Variants in KANSL1 observed in about 807,000 individuals in gnomAD.
KANSL1 encodes KAT8 regulatory NSL complex subunit 1.
A neutral mutation model predicts 103.6 loss-of-function variants in KANSL1; 22 were observed. That is an observed-to-expected ratio of 0.21 (90% confidence interval 0.15 to 0.30). The LOEUF (loss-of-function observed/expected upper bound fraction) is 0.30, where lower values mean the gene tolerates loss of function less well. Ranked by LOEUF, KANSL1 falls within the 10% of genes least tolerant of loss-of-function variation. The probability of loss-of-function intolerance (pLI) is 1.00; values close to 1 mark genes in which losing one functional copy is unlikely to be tolerated. For synonymous variants in KANSL1, 600 were observed against 527.6 expected (o/e 1.14, Z -1.88); for missense variants, 1,337 against 1,399.8 (o/e 0.96, Z 0.72).
chr17:46,122,783 C>G (rs1271028180), intron 2 of KANSL1, among the ~76,000 whole-genome samples: 1 of 152,180 alleles, frequency 6.6e-6, no homozygotes, highest in African/African-American at 2.4e-5. Flanking sequence ...GATCAGTGAT[C>G]TCTGACACTG....
intron 1 of KANSL1, among the ~76,000 whole-genome samples, chr17:46,181,645 T>C (rs1281237139): frequency 8.5e-5 from 13 of 152,338 alleles, no homozygotes; most frequent in Admixed American, 5.9e-4. Flanking sequence ...TTGGCCAGGC[T>C]GGTTTCGAAC....
intron 1 of KANSL1, among the ~76,000 whole-genome samples, chr17:46,188,480 C>T (rs2047137414): frequency 6.6e-6 from 1 of 152,208 alleles, no homozygotes; most frequent in African/African-American, 2.4e-5. Flanking sequence ...AAACAGACTT[C>T]CAAGAAACAG....
rs762608550 is a variant in KANSL1, at chr17:46,050,487, TCTC to T, written c.2020+43_2020+45del. ...GCTGATTTTCTTTCACCTAGAAGTC[TCTC>T]AAGTTTCTTTCATTAGACTTTCTAG... is the stretch of plus-strand genomic sequence containing the variant. On this transcript the variant is annotated intron_variant, in intron 7 of 14. Coordinates refer to ENST00000432791, the MANE Select transcript of KANSL1 (RefSeq NM_015443.4). 8 of 1,577,226 alleles carry T rather than the reference TCTC, an allele frequency of 5.1e-6. No individual in the cohort carries two copies. The African/African-American group carries it at 1.1e-4, about 21-fold the overall frequency.
At chr17:46,103,817 G>C (rs1567678267) in intron 2 of KANSL1, among the ~76,000 whole-genome samples, 1 of 152,216 alleles carries the variant, frequency 6.6e-6, no homozygotes, top group Non-Finnish European at 1.5e-5. Flanking sequence ...TTTGAGATCA[G>C]GAGTTCAAGA....
At position 46,067,248 on chromosome 17, in the gene KANSL1, A is replaced by G. The variant is rs1237884581; in HGVS notation, c.1652+301T>C. 2.6e-5 allele frequency among the ~76,000 whole-genome samples: 4 copies of G among 152,230 alleles called. No individual in the cohort carries two copies. The East Asian group carries it at 7.7e-4, about 29-fold the overall frequency. Reference sequence around the variant, plus strand: ...GCCCTTGGAGATCTAATCTGTCCTAAGCAGAGGAGGTTAATATAAGCACTT... The same window carrying G: ...GCCCTTGGAGATCTAATCTGTCCTAGGCAGAGGAGGTTAATATAAGCACTT... On this transcript the variant is annotated intron_variant, in intron 5 of 14. Transcript: ENST00000432791.
intron 2 of KANSL1, among the ~76,000 whole-genome samples, chr17:46,114,875 T>G (rs1438619789): frequency 6.6e-6 from 1 of 152,246 alleles, no homozygotes; most frequent in Non-Finnish European, 1.5e-5. Flanking sequence ...ATGAATTATA[T>G]CACACGGATT....
chr17:46,160,440 T>C (rs117876255), intron 2 of KANSL1, among the ~76,000 whole-genome samples: 5,048 of 152,152 alleles, frequency 0.033, 147 homozygotes, highest in East Asian at 0.15. Context: ...GCTGGGACTA[T>C]AGGCGCATGC....
intron 2 of KANSL1, among the ~76,000 whole-genome samples, chr17:46,125,583 GCTC>G (rs2043517310): frequency 6.6e-6 from 1 of 152,138 alleles, no homozygotes; most frequent in Non-Finnish European, 1.5e-5. Flanking sequence ...GGGGTGTATG[GCTC>G]CTATCTCCAG....
intron 2 of KANSL1, among the ~76,000 whole-genome samples, chr17:46,162,235 A>G (rs2045780304): frequency 6.6e-6 from 1 of 152,254 alleles, no homozygotes; most frequent in Non-Finnish European, 1.5e-5. Context: ...GCATGACCTT[A>G]GGCATGAATT....
At chr17:46,139,545 G>A (rs906516772) in intron 2 of KANSL1, among the ~76,000 whole-genome samples, 14 of 152,178 alleles carry the variant, frequency 9.2e-5, no homozygotes, top group African/African-American at 2.9e-4. Flanking sequence ...TACTCAGCAC[G>A]AAGAAGCAGA....
intron 2 of KANSL1, among the ~76,000 whole-genome samples, chr17:46,114,658 A>C (rs1007673601): frequency 2.6e-5 from 4 of 152,130 alleles, no homozygotes; most frequent in African/African-American, 4.8e-5. Flanking sequence ...AGACATATAC[A>C]CTCTTGATAG....
chr17:46,182,262 A>G (rs2046829182), intron 1 of KANSL1, among the ~76,000 whole-genome samples: 1 of 152,276 alleles, frequency 6.6e-6, no homozygotes, highest in Admixed American at 6.5e-5. Flanking sequence ...TGACACAATC[A>G]AAATAATGGG....
chr17:46,031,709 G>C lies in KANSL1; in HGVS notation c.3091-6C>G. On this transcript the variant is annotated splice_region_variant and splice_polypyrimidine_tract_variant and intron_variant, in intron 14 of 14. Coordinates refer to ENST00000432791, the MANE Select transcript of KANSL1 (RefSeq NM_015443.4). Reference sequence around the variant, plus strand: ...CGCTCCCAGGGCTGGACAGACTGTAGGCAGACAAGTTGCTCTTTGAGGACC... The same window carrying C: ...CGCTCCCAGGGCTGGACAGACTGTACGCAGACAAGTTGCTCTTTGAGGACC... The C allele has an allele frequency of 1.9e-6, 3 of 1,590,462 alleles. No homozygotes were observed. The highest frequency in any genetic ancestry group is 2.6e-6 in the Non-Finnish European group (3 of 1,162,546).
chr17:46,122,167 A>G (rs997769102), intron 2 of KANSL1, among the ~76,000 whole-genome samples: 1 of 152,224 alleles, frequency 6.6e-6, no homozygotes, highest in African/African-American at 2.4e-5. Flanking sequence ...TAAAGCCCCA[A>G]TTCTCAACAA....
intron 2 of KANSL1, among the ~76,000 whole-genome samples, chr17:46,112,714 G>A (rs2042873125): frequency 7.5e-6 from 1 of 132,686 alleles, no homozygotes; most frequent in Admixed American, 7.9e-5. Flanking sequence ...ACAAAAAACT[G>A]GGCAGATAAA....
Position 46,172,234 on chromosome 17 carries a change from T to A in KANSL1, c.-89-2A>T. 1 of 1,218,700 alleles carries A rather than the reference T, an allele frequency of 8.2e-7. No homozygotes were observed. The highest frequency in any genetic ancestry group is 1.1e-6 in the Non-Finnish European group (1 of 890,000). The allele number at this position is 1,218,700 out of a possible 1,614,324, so 75.5% of individuals were successfully genotyped here. ...CTTACTGCCTCCCCAGAGAACAGAC[T>A]AGAAGAGAAAGGAGAAAAGAATATT... On this transcript the variant is annotated splice_acceptor_variant, in intron 1 of 14. Coordinates refer to ENST00000432791, the MANE Select transcript of KANSL1 (RefSeq NM_015443.4). LOFTEE classifies it low-confidence loss of function (5UTR_SPLICE).
At chr17:46,036,622 G>GA (rs781662642) in intron 10 of KANSL1, among the ~76,000 whole-genome samples, 4 of 152,170 alleles carry the variant, frequency 2.6e-5, no homozygotes, top group Non-Finnish European at 4.4e-5. Flanking sequence ...TTAGGGACAT[G>GA]AGCAACAATA....
intron 6 of KANSL1, among the ~76,000 whole-genome samples, chr17:46,054,243 G>A (rs1006974462): frequency 9.9e-5 from 15 of 152,114 alleles, no homozygotes; most frequent in Admixed American, 8.5e-4. Flanking sequence ...TAGTAGAGAC[G>A]GGGTTTCACC....
At chr17:46,139,711 T>C (rs777669181) in intron 2 of KANSL1, among the ~76,000 whole-genome samples, 5 of 152,182 alleles carry the variant, frequency 3.3e-5, no homozygotes, top group African/African-American at 4.8e-5. Flanking sequence ...AAAAGCATAA[T>C]ACCAAAAATA....
Sources: allele counts gnomAD v4.1 joint callset (sites outside exome capture counted in the v4.1 genomes callset), GRCh38; gene constraint gnomAD v4.1.1; transcripts MANE v1.5; gene names NCBI Gene and HGNC (gene_info 2026-07-23, HGNC 2026-07-21).